Variants in SMCO2 observed in about 807,000 individuals in gnomAD.
SMCO2 encodes the protein single-pass membrane and coiled-coil domain-containing protein 2.
SMCO2 carries 25 observed loss-of-function variants against 29.5 expected under a neutral mutation model. The ratio of observed to expected loss-of-function variants is 0.85; its 90% CI spans 0.62 to 1.18. The LOEUF is 1.18. Ranked by LOEUF, SMCO2 falls within the 50% of genes most tolerant of loss-of-function variation. The probability of loss-of-function intolerance (pLI) is 0.00; values close to 1 mark genes in which losing one functional copy is unlikely to be tolerated. For missense variants in SMCO2, 348 were observed against 344.5 expected (o/e 1.01, Z -0.08); for synonymous variants, 117 against 123.3 (o/e 0.95, Z 0.34).
chr12:27,480,885 G>A lies in SMCO2; in HGVS notation c.362+5972G>A, dbSNP rs147727990. Among the ~76,000 whole-genome samples the A allele has an allele frequency of 1.8e-4, 28 of 152,168 alleles. No individual in the cohort carries two copies. The East Asian group carries it at 5.4e-3, about 29-fold the overall frequency. On this transcript the variant is annotated intron_variant, in intron 4 of 7. Transcript: ENST00000298876. Reference sequence around the variant, plus strand: ...ACCTCTTTTCTTTATAAATTACCTGGTCTCAGGTATTTCTTTATAGCAATG... The same window carrying A: ...ACCTCTTTTCTTTATAAATTACCTGATCTCAGGTATTTCTTTATAGCAATG...
chr12:27,424,187 A>G, the SMCO2 span: 3 of 152,224 alleles, frequency 2.0e-5, no homozygotes, highest in Non-Finnish European at 4.4e-5. Context: ...GCTCTAGAAC[A>G]TTATATTAAG....
chr12:27,430,275 G>A, the SMCO2 span, among the ~76,000 whole-genome samples: 1 of 152,178 alleles, frequency 6.6e-6, no homozygotes, highest in African/African-American at 2.4e-5. Flanking sequence ...AATAAACACA[G>A]TAGAGTTTGA....
chr12:27,466,295 C>A (rs1254256369), upstream of SMCO2, among the ~76,000 whole-genome samples: 1 of 152,086 alleles, frequency 6.6e-6, no homozygotes, highest in Non-Finnish European at 1.5e-5. Context: ...GCCTGTAATC[C>A]CAGCTACTCA....
At chr12:27,436,419 G>T in the SMCO2 span, among the ~76,000 whole-genome samples, 1 of 152,126 alleles carries the variant, frequency 6.6e-6, no homozygotes, top group African/African-American at 2.4e-5. Context: ...CAACCAGATG[G>T]ATCCACATTT....
chr12:27,451,929 C>G, the SMCO2 span, among the ~76,000 whole-genome samples: 1 of 152,184 alleles, frequency 6.6e-6, no homozygotes, highest in Non-Finnish European at 1.5e-5. Flanking sequence ...TAATAGGAGC[C>G]TTTTATTACC....
At chr12:27,472,018 A>G (rs1949544953) in intron 2 of SMCO2, among the ~76,000 whole-genome samples, 1 of 152,146 alleles carries the variant, frequency 6.6e-6, no homozygotes, top group African/African-American at 2.4e-5. Context: ...GTGATAGCAA[A>G]TGATTGGAAA....
At chr12:27,457,394 G>C in the SMCO2 span, among the ~76,000 whole-genome samples, 4 of 152,124 alleles carry the variant, frequency 2.6e-5, no homozygotes, top group Non-Finnish European at 5.9e-5. Flanking sequence ...GACACTCTCT[G>C]AGTTCTGTTT....
At chr12:27,500,452 T>G (rs1041327216) in intron 7 of SMCO2, among the ~76,000 whole-genome samples, 1 of 150,704 alleles carries the variant, frequency 6.6e-6, no homozygotes, top group African/African-American at 2.5e-5. Flanking sequence ...TATATTTGGG[T>G]GATGAGATTA....
At chr12:27,469,775 C>T (rs1384516538) in intron 1 of SMCO2, among the ~76,000 whole-genome samples, 2 of 152,208 alleles carry the variant, frequency 1.3e-5, no homozygotes, top group African/African-American at 2.4e-5. Flanking sequence ...CACGTCTCTA[C>T]CTTCTTTCCT....
At chr12:27,491,696 A>T (rs983577625) in intron 5 of SMCO2, among the ~76,000 whole-genome samples, 2 of 149,686 alleles carry the variant, frequency 1.3e-5, no homozygotes, top group Admixed American at 1.3e-4. Flanking sequence ...AATGTATTTT[A>T]TATATATATA....
At chr12:27,491,710 C>CTTT (rs370875488) in intron 5 of SMCO2, among the ~76,000 whole-genome samples, 261 of 143,554 alleles carry the variant, frequency 1.8e-3, no homozygotes, top group African/African-American at 6.1e-3. Context: ...ATATATAGAT[C>CTTT]TTTTTTTTTT....
upstream of SMCO2, among the ~76,000 whole-genome samples, chr12:27,463,006 T>C (rs561806590): frequency 1.3e-3 from 198 of 152,306 alleles, no homozygotes; most frequent in African/African-American, 4.5e-3. Flanking sequence ...AAGCTGGGAC[T>C]ACACCATCCC....
chr12:27,488,268 T>C (rs1173885331), intron 4 of SMCO2, among the ~76,000 whole-genome samples, 192 bp from the exon 6 acceptor site: 1 of 152,224 alleles, frequency 6.6e-6, no homozygotes, highest in Non-Finnish European at 1.5e-5. Flanking sequence ...CTCATATCTC[T>C]TTAATATTAT....
At chr12:27,491,898 C>T (rs1376613877) in intron 5 of SMCO2, among the ~76,000 whole-genome samples, 2 of 151,658 alleles carry the variant, frequency 1.3e-5, no homozygotes, top group Admixed American at 1.3e-4. Context: ...TTTGTAGAGA[C>T]GGGGTTTCAC....
chr12:27,461,963 C>A (rs1949462145), upstream of SMCO2, among the ~76,000 whole-genome samples: 1 of 152,252 alleles, frequency 6.6e-6, no homozygotes, highest in Admixed American at 6.5e-5. Flanking sequence ...CCATTATTTG[C>A]AGTCAGCATG....
the SMCO2 span, among the ~76,000 whole-genome samples, chr12:27,436,180 C>T: frequency 1.3e-5 from 2 of 152,190 alleles, no homozygotes; most frequent in Admixed American, 1.3e-4. Context: ...CCAAATGTCC[C>T]ACCTCCTAAT....
At chr12:27,445,472 C>T in the SMCO2 span, among the ~76,000 whole-genome samples, 1 of 151,926 alleles carries the variant, frequency 6.6e-6, no homozygotes, top group African/African-American at 2.4e-5. Context: ...ATCTGACAAC[C>T]CTATTAAGAG....
At chr12:27,423,324 C>CTTTTTTTTTTTTTTT in the SMCO2 span, 48 of 85,908 alleles carry the variant, frequency 5.6e-4, no homozygotes, top group Non-Finnish European at 6.6e-4. Context: ...CTTTTCTTTT[C>CTTTTTTTTTTTTTTT]TTTTTTTTTT....
chr12:27,474,005 G>A (rs557740909), intron 3 of SMCO2, among the ~76,000 whole-genome samples: 157 of 152,338 alleles, frequency 1.0e-3, no homozygotes, highest in African/African-American at 3.7e-3. Context: ...CATAGAGTAG[G>A]CGTTTTCCCC....
Sources: gnomAD v4.1 joint callset for allele counts (sites outside exome capture counted in the v4.1 genomes callset) on GRCh38, gnomAD v4.1.1 for gene constraint, MANE v1.5 for transcripts, NCBI Gene and HGNC (gene_info 2026-07-23, HGNC 2026-07-21) for gene names.